The following WWOX variants were observed in gnomAD, a reference collection of about 807,000 sequenced individuals.
The protein encoded by WWOX is WW domain containing oxidoreductase.
A neutral mutation model predicts 46.2 loss-of-function variants in WWOX; 69 were observed. The ratio of observed to expected loss-of-function variants is 1.49; its 90% CI spans 1.23 to 1.82. WWOX has a LOEUF of 1.82. Among genes scored for constraint, WWOX ranks in the 40% most tolerant of loss-of-function variants. The probability of loss-of-function intolerance (pLI) is 0.00; values close to 1 mark genes in which losing one functional copy is unlikely to be tolerated. For synonymous variants in WWOX, 359 were observed against 202.6 expected (o/e 1.77, Z -6.56); for missense variants, 919 against 542.6 (o/e 1.69, Z -6.89).
chr16:78,645,988 C>A lies in WWOX; in HGVS notation c.1056+213236C>A, dbSNP rs139036120. Among the ~76,000 whole-genome samples, 1,276 of 152,174 alleles carry A rather than the reference C, an allele frequency of 8.4e-3. 18 individuals carry two copies. Among genetic ancestry groups the A allele is most frequent in the African/African-American group, 0.028 (1,172 of 41,510 alleles). ...TGTCCCTGGCTCTGCTCCTTCTCTCCCCCTCCTCTCCCCCTTTGTCATCTT... is the reference window on the plus strand; with the variant it reads ...TGTCCCTGGCTCTGCTCCTTCTCTCACCCTCCTCTCCCCCTTTGTCATCTT... On this transcript the variant is annotated intron_variant, in intron 8 of 8. Coordinates refer to ENST00000566780, the MANE Select transcript of WWOX (RefSeq NM_016373.4).
chr16:79,000,518 A>C (rs79569775), intron 8 of WWOX, among the ~76,000 whole-genome samples: 1 of 152,250 alleles, frequency 6.6e-6, no homozygotes, highest in Non-Finnish European at 1.5e-5. Context: ...AGTAAAGAGG[A>C]CTTGGCCTGA....
In WWOX at chr16:78,108,613, A is replaced by G. The variant is rs1010392975; in HGVS notation, c.172+126A>G. 7 of 999,632 alleles carry G rather than the reference A, an allele frequency of 7.0e-6. No homozygotes were observed. In the East Asian group the frequency reaches 1.0e-4, roughly 15 times the overall value. 61.9% of individuals were successfully genotyped at this position (999,632 alleles called of 1,614,324 possible). On this transcript the variant is annotated intron_variant, in intron 2 of 8. Coordinates refer to ENST00000566780, the MANE Select transcript of WWOX (RefSeq NM_016373.4). Reference sequence around the variant, plus strand: ...CTCTCTGGTAGAGAACCAGACTCCCACTCTGAGGAGCTTATGGGATTTGGC... The same window carrying G: ...CTCTCTGGTAGAGAACCAGACTCCCGCTCTGAGGAGCTTATGGGATTTGGC...
intron 8 of WWOX, among the ~76,000 whole-genome samples, chr16:78,707,604 C>G (rs926018183): frequency 6.6e-6 from 1 of 151,998 alleles, no homozygotes; most frequent in Non-Finnish European, 1.5e-5. Context: ...TTTTTAAGGC[C>G]CAGCATGGTG....
At chr16:78,798,694 T>C (rs543072378) in intron 8 of WWOX, among the ~76,000 whole-genome samples, 3 of 152,092 alleles carry the variant, frequency 2.0e-5, no homozygotes, top group Admixed American at 1.3e-4. Flanking sequence ...TAAATAAATA[T>C]ATTAAAATAA....
intron 8 of WWOX, chr16:78,996,061 C>G: frequency 3.4e-6 from 1 of 296,134 alleles, no homozygotes; most frequent in African/African-American, 2.3e-5. Context: ...GATTCCAAAT[C>G]CAGATCCAAA....
rs1567511634 is a variant in WWOX at position 79,045,773 on chromosome 16, TCTTTTCC to T, written c.1057-165834_1057-165828del. Among the ~76,000 whole-genome samples, 222 of 145,826 alleles carry T rather than the reference TCTTTTCC, an allele frequency of 1.5e-3. 1 individual carries two copies. The South Asian group carries it at 0.016, about 11-fold the overall frequency. On this transcript the variant is annotated intron_variant, in intron 8 of 8. Coordinates refer to ENST00000566780, the MANE Select transcript of WWOX (RefSeq NM_016373.4). ...TCTCTGGAGCTCGTCTTTCCTTTTT[TCTTTTCC>T]TTTTTTTTTTTTTTTTTTTTTTTTT...
chr16:79,170,035 A>G (rs2050670312), intron 8 of WWOX, among the ~76,000 whole-genome samples: 1 of 152,074 alleles, frequency 6.6e-6, no homozygotes, highest in Non-Finnish European at 1.5e-5. Context: ...CTAAAAGGAG[A>G]TTTTATAATG....
intron 5 of WWOX, among the ~76,000 whole-genome samples, chr16:78,228,104 G>A (rs140551359): frequency 2.6e-5 from 4 of 152,180 alleles, no homozygotes; most frequent in East Asian, 1.9e-4. Context: ...TGTCACAAAT[G>A]CCTTGATGTC....
intron 8 of WWOX, among the ~76,000 whole-genome samples, chr16:78,867,696 A>T (rs1406453463): frequency 6.6e-6 from 1 of 152,096 alleles, no homozygotes; most frequent in Non-Finnish European, 1.5e-5. Flanking sequence ...GCCTGCCACC[A>T]TGCCTGGCTA....
chr16:78,360,771 C>G (rs924738297), intron 5 of WWOX, among the ~76,000 whole-genome samples: 2 of 151,874 alleles, frequency 1.3e-5, no homozygotes, highest in Non-Finnish European at 2.9e-5. Context: ...ATTCCAGGAT[C>G]TAGTCCAGGA....
At chr16:79,105,607 A>G (rs1190862502) in intron 8 of WWOX, among the ~76,000 whole-genome samples, 1 of 152,086 alleles carries the variant, frequency 6.6e-6, no homozygotes, top group Non-Finnish European at 1.5e-5. Flanking sequence ...TATTGTACAC[A>G]GTCCTATATA....
At chr16:78,676,137 C>A (rs1027616570) in intron 8 of WWOX, among the ~76,000 whole-genome samples, 3 of 151,866 alleles carry the variant, frequency 2.0e-5, no homozygotes, top group African/African-American at 7.3e-5. Flanking sequence ...AGACTGAGAG[C>A]CCCCAAGGGT....
At chr16:78,811,148 T>C (rs548011640) in intron 8 of WWOX, among the ~76,000 whole-genome samples, 4 of 152,336 alleles carry the variant, frequency 2.6e-5, no homozygotes, top group Middle Eastern at 6.8e-3. Flanking sequence ...GAAGGGACTT[T>C]GGTAATTCAG....
chr16:78,976,814 G>C (rs944401709), intron 8 of WWOX, among the ~76,000 whole-genome samples: 1 of 152,202 alleles, frequency 6.6e-6, no homozygotes, highest in African/African-American at 2.4e-5. Context: ...GACAGTGTCA[G>C]TGTCTTTAAT....
intron 5 of WWOX, among the ~76,000 whole-genome samples, chr16:78,283,789 C>T (rs940534430): frequency 2.0e-5 from 3 of 152,010 alleles, no homozygotes; most frequent in Middle Eastern, 3.2e-3. Flanking sequence ...AATTCAGCTA[C>T]GTCAAGGAAG....
rs6564643 is a variant in WWOX, at chr16:79,080,478, A to G, written c.1057-131130A>G. Among the ~76,000 whole-genome samples the G allele has an allele frequency of 2.6e-3, 398 of 152,038 alleles. 2 individuals carry two copies. The highest frequency in any genetic ancestry group is 8.9e-3 in the African/African-American group (370 of 41,472). On this transcript the variant is annotated intron_variant, in intron 8 of 8. Coordinates refer to ENST00000566780, the MANE Select transcript of WWOX (RefSeq NM_016373.4). ...AGAATTCAATTCTTCTCTTGCCACA[A>G]ATCAGCTGTTTATACTCCTCTTTGC...
At chr16:78,684,376 CA>C (rs1167409190) in intron 8 of WWOX, among the ~76,000 whole-genome samples, 1 of 152,154 alleles carries the variant, frequency 6.6e-6, no homozygotes, top group Non-Finnish European at 1.5e-5. Flanking sequence ...TTTTCCTTAG[CA>C]GGGAGTGCCA....
chr16:78,932,459 G>T (rs1182376726), intron 8 of WWOX, among the ~76,000 whole-genome samples: 1 of 152,162 alleles, frequency 6.6e-6, no homozygotes, highest in East Asian at 1.9e-4. Flanking sequence ...CTCAAAATGT[G>T]CACACCGACA....
intron 8 of WWOX, chr16:78,825,710 G>A (rs1415950962): frequency 2.3e-5 from 13 of 558,228 alleles, no homozygotes; most frequent in Non-Finnish European, 3.4e-5. Flanking sequence ...TCTGAGGACA[G>A]AGGGTCAAAT....
Sources: gnomAD v4.1 joint callset for allele counts (sites outside exome capture counted in the v4.1 genomes callset) on GRCh38, gnomAD v4.1.1 for gene constraint, MANE v1.5 for transcripts, NCBI Gene and HGNC (gene_info 2026-07-23, HGNC 2026-07-21) for gene names.